The following NF1 variants were observed in gnomAD, a reference collection of about 807,000 sequenced individuals.
The protein encoded by NF1 is neurofibromin 1.
A neutral mutation model predicts 325.7 loss-of-function variants in NF1; 122 were observed. The observed-to-expected ratio is 0.37, with a 90% CI of 0.32 to 0.44. The LOEUF is 0.44. Ranked by LOEUF, NF1 falls within the 20% of genes least tolerant of loss-of-function variation. The probability of loss-of-function intolerance (pLI) is 1.00; values close to 1 mark genes in which losing one functional copy is unlikely to be tolerated. For synonymous variants in NF1, 1,091 were observed against 1,186.0 expected (o/e 0.92, Z 1.65); for missense variants, 2,140 against 3,415.4 (o/e 0.63, Z 9.31).
chr17:31,195,233 T>C (rs1232141510), intron 8 of NF1, among the ~76,000 whole-genome samples: 1 of 152,184 alleles, frequency 6.6e-6, no homozygotes. Flanking sequence ...GTTTATACTT[T>C]TTTTCCTAAG....
chr17:31,337,949 A>G, intron 44 of NF1, 69 bp downstream of exon 44: 1 of 1,514,308 alleles, frequency 6.6e-7, no homozygotes, highest in South Asian at 1.1e-5. Context: ...TTACTGTATG[A>G]TCAATGTTAT....
chr17:31,280,450 G>A (rs1442346541), intron 36 of NF1, among the ~76,000 whole-genome samples: 3 of 147,186 alleles, frequency 2.0e-5, no homozygotes, highest in African/African-American at 7.5e-5. Flanking sequence ...CCGGGAGGCA[G>A]AGGTTGCAGT....
chr17:31,179,626 C>CA, intron 5 of NF1, among the ~76,000 whole-genome samples: 1 of 151,904 alleles, frequency 6.6e-6, no homozygotes, highest in East Asian at 1.9e-4. Context: ...ACTAAAAATA[C>CA]AAAAAAATTA....
chr17:31,364,213 G>A (rs933091845), intron 57 of NF1, among the ~76,000 whole-genome samples: 1 of 152,124 alleles, frequency 6.6e-6, no homozygotes, highest in Admixed American at 6.5e-5. Context: ...ATTGAAAGAA[G>A]TTCTCTGTCA....
intron 5 of NF1, among the ~76,000 whole-genome samples, chr17:31,176,585 G>A (rs1326075848): frequency 6.6e-6 from 1 of 152,120 alleles, no homozygotes; most frequent in East Asian, 1.9e-4. Context: ...CTTTCCCCAT[G>A]CCTATGTCCT....
At chr17:31,304,558 T>G in intron 36 of NF1, 1 of 1,614,202 alleles carries the variant, frequency 6.2e-7, no homozygotes, top group Non-Finnish European at 8.5e-7. Context: ...TTGGTTACTT[T>G]CCTGTCCTTC....
chr17:31,343,698 G>C (rs1049929346), intron 48 of NF1, among the ~76,000 whole-genome samples: 1 of 152,138 alleles, frequency 6.6e-6, no homozygotes, highest in South Asian at 2.1e-4. Context: ...GCTCACACCT[G>C]TAGTCCCAGC....
intron 1 of NF1, among the ~76,000 whole-genome samples, chr17:31,102,459 T>C (rs1912429619): frequency 6.6e-6 from 1 of 151,670 alleles, no homozygotes; most frequent in Non-Finnish European, 1.5e-5. Flanking sequence ...TAAGGGAGAG[T>C]AGGCCAGGTG....
intron 36 of NF1, chr17:31,307,751 A>C: frequency 4.0e-6 from 2 of 502,996 alleles, no homozygotes; most frequent in Non-Finnish European, 6.6e-6. Flanking sequence ...ATCTCTTAAC[A>C]TTAGGGAATA....
At position 31,304,821 on chromosome 17, in the gene NF1, G is replaced by A. The variant is rs142482926; in HGVS notation, c.4836-20999G>A. The A allele has an allele frequency of 2.1e-4, 335 of 1,613,938 alleles. No individual in the cohort carries two copies. The highest frequency in any genetic ancestry group is 1.3e-3 in the Admixed American group (79 of 60,004). ...GTGAAATGATTGATGTACGTTTTGT[G>A]GATATTTCATTTTCTCTGATGTTAT... On this transcript the variant is annotated intron_variant, in intron 36 of 57. Transcript: ENST00000358273.
chr17:31,333,618 A>G (rs549276723), intron 39 of NF1, among the ~76,000 whole-genome samples: 178 of 152,340 alleles, frequency 1.2e-3, no homozygotes, highest in Admixed American at 1.9e-3. Flanking sequence ...AAGAATAAGG[A>G]ACTGATTAAA....
chr17:31,223,228 T>C (rs1432822336), intron 15 of NF1, among the ~76,000 whole-genome samples: 1 of 152,198 alleles, frequency 6.6e-6, no homozygotes, highest in Non-Finnish European at 1.5e-5. Context: ...AGGGGGCTTA[T>C]AGATAAATAC....
intron 36 of NF1, chr17:31,296,708 A>G (rs759636136): frequency 3.3e-5 from 8 of 245,464 alleles, no homozygotes; most frequent in Non-Finnish European, 5.6e-5. Flanking sequence ...ATTTTTGATG[A>G]TATGCTTTCT....
At chr17:31,306,109 CT>C (rs2068714181) in intron 36 of NF1, among the ~76,000 whole-genome samples, 1 of 152,152 alleles carries the variant, frequency 6.6e-6, no homozygotes, top group Non-Finnish European at 1.5e-5. Flanking sequence ...CTCCCCTCCC[CT>C]CCTTGACCAC....
In NF1 at chr17:31,231,037, A is replaced by G. The variant is rs191884584; in HGVS notation, c.3197+112A>G. The G allele has an allele frequency of 1.8e-3, 1,493 of 822,492 alleles. 5 individuals are homozygous for G. The highest frequency in any genetic ancestry group is 2.1e-3 in the Non-Finnish European group (1,036 of 500,158). 50.9% of individuals were successfully genotyped at this position (822,492 alleles called of 1,614,324 possible). On this transcript the variant is annotated intron_variant, in intron 24 of 57. Coordinates refer to ENST00000358273, the MANE Select transcript of NF1 (RefSeq NM_001042492.3). ...GTGTATTTAAACTTTTGAGATGTCA[A>G]ACTTTTGTGTTTGAAATATGTAAAG... is the stretch of plus-strand genomic sequence containing the variant.
intron 36 of NF1, among the ~76,000 whole-genome samples, chr17:31,301,035 G>A (rs181374637): frequency 5.9e-5 from 9 of 152,120 alleles, no homozygotes; most frequent in Admixed American, 5.9e-4. Context: ...TTAAATTTTA[G>A]AGGTATTAGC....
intron 36 of NF1, among the ~76,000 whole-genome samples, chr17:31,312,518 CAA>C (rs951056099): frequency 5.5e-4 from 33 of 60,118 alleles, no homozygotes; most frequent in Middle Eastern, 0.011. Context: ...GACTCCATCT[CAA>C]AAAAAAAAAA....
chr17:31,356,473 T>C lies in NF1; in HGVS notation c.7629T>C (p.Ser2543=), dbSNP rs2151581024. Residue 2543 remains serine (S), a synonymous_variant, in exon 52 of 58, where the codon AGT becomes AGC. Transcript: ENST00000358273. ...NTKKLLGTRK[S]FDHLISDTKA... ...TTTTGTTTATAGGAACAAGGAAAAG[T>C]TTTGATCACTTGATATCAGACACAA... 1 of 1,613,564 alleles carries C rather than the reference T, an allele frequency of 6.2e-7. No homozygotes were observed. The highest frequency in any genetic ancestry group is 8.5e-7 in the Non-Finnish European group (1 of 1,179,638).
At chr17:31,225,873 ATTTAT>A (rs1352723290) in intron 17 of NF1, among the ~76,000 whole-genome samples, 4 of 152,166 alleles carry the variant, frequency 2.6e-5, no homozygotes, top group African/African-American at 9.7e-5. Context: ...TAGAATTTGC[ATTTAT>A]TTTATCAATT....
Sources: gnomAD v4.1 joint callset for allele counts (sites outside exome capture counted in the v4.1 genomes callset) on GRCh38, gnomAD v4.1.1 for gene constraint, MANE v1.5 for transcripts, NCBI Gene and HGNC (gene_info 2026-07-23, HGNC 2026-07-21) for gene names.